TBC1D22B: variants seen among roughly 807,000 people sequenced by gnomAD.
The protein encoded by TBC1D22B is TBC1 domain family member 22B.
A neutral mutation model predicts 69.1 loss-of-function variants in TBC1D22B; 32 were observed. That is an observed-to-expected ratio of 0.46 (90% CI 0.35 to 0.62). The LOEUF (loss-of-function observed/expected upper bound fraction) is 0.62. Ranked by LOEUF, TBC1D22B falls within the 20% of genes least tolerant of loss-of-function variation. TBC1D22B has a pLI of 0.00. For synonymous variants in TBC1D22B, 206 were observed against 229.8 expected, an observed-to-expected ratio of 0.90 and a Z score of 0.94; for missense variants, 462 against 630.9, an observed-to-expected ratio of 0.73 and a Z score of 2.87.
chr6:37,258,059 A>AC (rs1670691978), intron 1 of TBC1D22B, 86 bp downstream of exon 1: 4 of 1,479,012 alleles, frequency 2.7e-6, no homozygotes, highest in Admixed American at 2.0e-5. Flanking sequence ...CTGGGGCGCC[A>AC]CAGAGGCCAG....
intron 1 of TBC1D22B, among the ~76,000 whole-genome samples, chr6:37,263,708 C>T (rs925497916): frequency 3.9e-5 from 6 of 152,260 alleles, no homozygotes; most frequent in Admixed American, 3.3e-4. Flanking sequence ...CTTGGCCTCC[C>T]GAGTAGCTGG....
chr6:37,299,622 A>C (rs1485386776), intron 8 of TBC1D22B, among the ~76,000 whole-genome samples: 1 of 152,164 alleles, frequency 6.6e-6, no homozygotes, highest in Non-Finnish European at 1.5e-5. Context: ...ATAATTGCAA[A>C]CTGTGATGAA....
intron 1 of TBC1D22B, among the ~76,000 whole-genome samples, chr6:37,263,575 T>TTTTTG (rs752178911): frequency 6.6e-5 from 10 of 152,074 alleles, no homozygotes; most frequent in Non-Finnish European, 1.3e-4. Flanking sequence ...TAACACTTTG[T>TTTTTG]TTTTGTTTTG....
rs1373117453 is a variant in TBC1D22B at position 37,282,160 on chromosome 6, C to T, written c.422-25C>T. On this transcript the variant is annotated intron_variant, in intron 3 of 12. Transcript: ENST00000373491. ...ATCCATACTCCTCACACAGCCCGTT[C>T]TCTTTCTTTTTCAAATGATCTCAGG... is the stretch of plus-strand genomic sequence containing the variant. 3.1e-6 allele frequency: 5 copies of T among 1,612,560 alleles called. No individual in the cohort carries two copies. The South Asian group carries it at 4.4e-5, about 14-fold the overall frequency.
intron 8 of TBC1D22B, chr6:37,295,669 T>C: frequency 2.4e-6 from 1 of 415,634 alleles, no homozygotes; most frequent in Non-Finnish European, 4.9e-6. Context: ...TCAAATAAGG[T>C]TCATTAGCTG....
At chr6:37,302,958 G>A (rs1183339342) in intron 8 of TBC1D22B, among the ~76,000 whole-genome samples, 2 of 152,220 alleles carry the variant, frequency 1.3e-5, no homozygotes, top group Non-Finnish European at 2.9e-5. Context: ...TCTTCAGCAT[G>A]TGGTTTCTTT....
In TBC1D22B at chr6:37,304,338, A is replaced by G. The variant is rs542646404; in HGVS notation, c.983-8580A>G. Among the ~76,000 whole-genome samples the G allele has an allele frequency of 9.2e-5, 14 of 152,366 alleles. 1 individual carries two copies. Among genetic ancestry groups the G allele is most frequent in the Middle Eastern group, 6.8e-3 (2 of 294 alleles). ...ATGAAGGCTTATAGCCCCAAAAGAC[A>G]TGCACAAACATATTCACAGCAACTT... On this transcript the variant is annotated intron_variant, in intron 8 of 12. Transcript: ENST00000373491.
At chr6:37,266,808 C>G (rs925766141) in intron 1 of TBC1D22B, among the ~76,000 whole-genome samples, 1 of 151,978 alleles carries the variant, frequency 6.6e-6, no homozygotes, top group Non-Finnish European at 1.5e-5. Flanking sequence ...ATTTATTTAA[C>G]TACTTTCCTG....
In TBC1D22B at chr6:37,269,598, C is replaced by G; in HGVS notation, c.61C>G (p.Gln21Glu). 1 of 1,614,092 alleles carries G rather than the reference C, an allele frequency of 6.2e-7. No individual in the cohort carries two copies. The highest frequency in any genetic ancestry group is 1.7e-5 in the Admixed American group (1 of 60,004). ...KRSAKLPGSI[Q>E]PVYGAQHPPL... Reference sequence around the variant, plus strand: ...TCCTTTTGTTTTTGCTTTTAGCATTCAGCCTGTATATGGAGCACAGCATCC... The same window carrying G: ...TCCTTTTGTTTTTGCTTTTAGCATTGAGCCTGTATATGGAGCACAGCATCC... The change falls in exon 2 of 13, where the codon CAG becomes GAG. Residue 21 changes from glutamine to glutamate, a missense_variant. Around this residue, in one of 2 missense-constraint regions of TBC1D22B, gnomAD observed 237 missense variants for 255.4 expected, o/e 0.93. Coordinates refer to ENST00000373491, the MANE Select transcript of TBC1D22B (RefSeq NM_017772.4).
In TBC1D22B at chr6:37,298,773, C is replaced by A. The variant is rs139650735; in HGVS notation, c.982+7416C>A. 3.6e-3 allele frequency among the ~76,000 whole-genome samples: 555 copies of A among 152,190 alleles called. 1 individual carries two copies. Among genetic ancestry groups the A allele is most frequent in the African/African-American group, 0.012 (515 of 41,522 alleles). ...TGTTAGCCAGGATGGTCTCGATCTC[C>A]TGACCTCGTGATCCGCCCACCTCGG... On this transcript the variant is annotated intron_variant, in intron 8 of 12. Transcript: ENST00000373491.
At chr6:37,287,505 T>G (rs1458244334) in intron 7 of TBC1D22B, among the ~76,000 whole-genome samples, 1 of 152,186 alleles carries the variant, frequency 6.6e-6, no homozygotes, top group East Asian at 1.9e-4. Flanking sequence ...TCCAGAACAT[T>G]TTTCATCTTC....
chr6:37,293,000 C>T (rs188104865), intron 8 of TBC1D22B, among the ~76,000 whole-genome samples: 15 of 151,940 alleles, frequency 9.9e-5, no homozygotes, highest in African/African-American at 3.1e-4. Flanking sequence ...TTTTCAAAAG[C>T]GTGTGTTCAC....
At chr6:37,264,530 C>T (rs781163302) in intron 1 of TBC1D22B, among the ~76,000 whole-genome samples, 3 of 152,070 alleles carry the variant, frequency 2.0e-5, no homozygotes, top group East Asian at 1.9e-4. Flanking sequence ...AGGCCAGTCT[C>T]GAACTGCTGG....
At chr6:37,299,901 C>T (rs551034331) in intron 8 of TBC1D22B, among the ~76,000 whole-genome samples, 2 of 150,474 alleles carry the variant, frequency 1.3e-5, no homozygotes, top group Admixed American at 6.7e-5. Flanking sequence ...CTCAGCTACT[C>T]GGGAGGCTGA....
intron 2 of TBC1D22B, among the ~76,000 whole-genome samples, chr6:37,277,463 CTT>C (rs1163535035): frequency 1.1e-4 from 15 of 133,940 alleles, no homozygotes; most frequent in Admixed American, 1.5e-4. Context: ...TCCTATAGTT[CTT>C]TTTTTTTTTT....
In TBC1D22B at chr6:37,310,387, G is replaced by A. The variant is rs115312545; in HGVS notation, c.983-2531G>A. ...GAAGAATTTTTAAATATGATTTCTCGGCTGGGCACGGTAGCTCACGCCTGT... is the reference window on the plus strand; with the variant it reads ...GAAGAATTTTTAAATATGATTTCTCAGCTGGGCACGGTAGCTCACGCCTGT... On this transcript the variant is annotated intron_variant, in intron 8 of 12. Coordinates refer to ENST00000373491, the MANE Select transcript of TBC1D22B (RefSeq NM_017772.4). Among the ~76,000 whole-genome samples, 1,399 of 152,024 alleles carry A rather than the reference G, an allele frequency of 9.2e-3. 21 individuals are homozygous for A. The highest frequency in any genetic ancestry group is 0.031 in the African/African-American group (1,300 of 41,500).
chr6:37,294,259 T>C (rs1293024770), intron 8 of TBC1D22B, among the ~76,000 whole-genome samples: 3 of 152,206 alleles, frequency 2.0e-5, no homozygotes, highest in Admixed American at 1.3e-4. Flanking sequence ...TGTAACCTTA[T>C]ACTCTGGCTA....
At chr6:37,280,643 T>C (rs1766795258) in intron 3 of TBC1D22B, among the ~76,000 whole-genome samples, 1 of 152,216 alleles carries the variant, frequency 6.6e-6, no homozygotes, top group Admixed American at 6.5e-5. Context: ...CCGTGATCCA[T>C]GATGAGCTGC....
At chr6:37,312,476 T>G (rs1767943895) in intron 8 of TBC1D22B, among the ~76,000 whole-genome samples, 1 of 152,172 alleles carries the variant, frequency 6.6e-6, no homozygotes, top group Non-Finnish European at 1.5e-5. Context: ...AAATAAACTG[T>G]GGGGGCTTTC....
Sources: gnomAD v4.1 joint callset for allele counts (sites outside exome capture counted in the v4.1 genomes callset) on GRCh38, gnomAD v4.1.1 for gene constraint, gnomAD v4.1.1 regional missense constraint, MANE v1.5 for transcripts, NCBI Gene and HGNC (gene_info 2026-07-23, HGNC 2026-07-21) for gene names.